The following VAV2 variants were observed in gnomAD, a reference collection of about 807,000 sequenced individuals.
VAV2 encodes vav guanine nucleotide exchange factor 2.
In VAV2, 67 loss-of-function variants were observed where a neutral mutation model predicts 132.5. The observed-to-expected ratio is 0.51, with a 90% confidence interval of 0.42 to 0.62. VAV2 has a LOEUF of 0.62. Ranked by LOEUF, VAV2 falls within the 20% of genes least tolerant of loss-of-function variation. The pLI is 0.00. For missense variants in VAV2, 938 were observed against 1,153.6 expected, an observed-to-expected ratio of 0.81 and a Z score of 2.71; for synonymous variants, 492 against 443.5, an observed-to-expected ratio of 1.11 and a Z score of -1.37.
chr9:133,795,651 T>TCA lies in VAV2; in HGVS notation c.1101+15_1101+16dup. 1 of 1,613,798 alleles carries TCA rather than the reference T, an allele frequency of 6.2e-7. No homozygotes were observed. Among genetic ancestry groups the TCA allele is most frequent in the Non-Finnish European group, 8.5e-7 (1 of 1,179,710 alleles). On this transcript the variant is annotated intron_variant, in intron 12 of 29. Coordinates refer to ENST00000371850, the MANE Select transcript of VAV2 (RefSeq NM_001134398.2). ...GCCAGACGGTGGCTTCTCCCCTGCC[T>TCA]CAGTTTACCCACACACCTGCATGGC...
At chr9:133,923,704 C>T (rs781781858) in intron 2 of VAV2, among the ~76,000 whole-genome samples, 37 of 152,086 alleles carry the variant, frequency 2.4e-4, no homozygotes, top group African/African-American at 7.5e-4. Flanking sequence ...ATATTTATTG[C>T]GGCACTATTC....
chr9:133,854,047 TAC>T (rs771999034), intron 3 of VAV2, among the ~76,000 whole-genome samples: 4 of 151,592 alleles, frequency 2.6e-5, no homozygotes, highest in East Asian at 1.9e-4. Flanking sequence ...CATCTGCACA[TAC>T]ACACACACTC....
Position 133,824,343 on chromosome 9 carries a change from C to A in VAV2, c.449+9929G>T, listed in dbSNP as rs1450313291. On this transcript the variant is annotated intron_variant, in intron 4 of 29. Coordinates refer to ENST00000371850, the MANE Select transcript of VAV2 (RefSeq NM_001134398.2). This position sits in a 1 kb window ranked among gnomAD's most constrained non-coding sequence, Gnocchi z 5.2. ...CCACCGAGCCAGGTCCACCAGCCCT[C>A]AGTTCCCGAGAACAGACACAGCAGA... is the stretch of plus-strand genomic sequence containing the variant. Among the ~76,000 whole-genome samples the A allele has an allele frequency of 6.6e-6, 1 of 152,084 alleles. No individual in the cohort carries two copies. Among genetic ancestry groups the A allele is most frequent in the African/African-American group, 2.4e-5 (1 of 41,390 alleles).
rs753037163 is a variant in VAV2 at position 133,810,212 on chromosome 9, G to C, written c.553-7C>G. On this transcript the variant is annotated splice_region_variant and splice_polypyrimidine_tract_variant and intron_variant, in intron 5 of 29. Transcript: ENST00000371850. ...TCACCTGCATGTATCTAATCTGCAA[G>C]CGTGGAGAAAGAACCAGAAACAGCG... The C allele has an allele frequency of 1.2e-6, 2 of 1,613,470 alleles. No individual in the cohort carries two copies. Among genetic ancestry groups the C allele is most frequent in the Non-Finnish European group, 1.7e-6 (2 of 1,179,850 alleles).
In VAV2 at chr9:133,883,963, G is replaced by A. The variant is rs1026474238; in HGVS notation, c.322-22531C>T. On this transcript the variant is annotated intron_variant, in intron 2 of 29. Coordinates refer to ENST00000371850, the MANE Select transcript of VAV2 (RefSeq NM_001134398.2). This position sits in a 1 kb window ranked among gnomAD's most constrained non-coding sequence, Gnocchi z 4.2. The stretch of plus-strand genomic sequence containing the variant: ...ATCTTGATCAATATGGTGAAACCCC[G>A]TCTCTACTAAAATACAAAAAAATTA... Among the ~76,000 whole-genome samples the A allele has an allele frequency of 1.2e-4, 19 of 152,028 alleles. No homozygotes were observed. The highest frequency in any genetic ancestry group is 5.2e-4 in the Admixed American group (8 of 15,256).
chr9:133,922,040 C>A (rs577105740), intron 2 of VAV2, among the ~76,000 whole-genome samples: 3 of 152,354 alleles, frequency 2.0e-5, no homozygotes, highest in South Asian at 4.1e-4. Context: ...GCCATGCATG[C>A]AGGCACGGGA....
chr9:133,779,993 G>A lies in VAV2; in HGVS notation c.1741-54C>T, dbSNP rs551837713. On this transcript the variant is annotated intron_variant, in intron 20 of 29. Coordinates refer to ENST00000371850, the MANE Select transcript of VAV2 (RefSeq NM_001134398.2). ...TGAGGGAAGGCTGCTCTTTGACTGT[G>A]GCCCATGCATCAACGCACCCCGCCC... 3 of 1,608,448 alleles carry A rather than the reference G, an allele frequency of 1.9e-6. No individual in the cohort carries two copies. In the South Asian group the frequency reaches 3.3e-5, roughly 18 times the overall value.
rs1170132243 is a variant in VAV2, at chr9:133,806,047, G to A, written c.836+34C>T. 3 of 1,598,258 alleles carry A rather than the reference G, an allele frequency of 1.9e-6. No homozygotes were observed. The East Asian group carries it at 6.8e-5, about 36-fold the overall frequency. ...GTAAACTCTCCCGCAGACAGGGAGG[G>A]GCCAAGGAGCCCCAGGAGCCGGCAG... is the stretch of plus-strand genomic sequence containing the variant. On this transcript the variant is annotated intron_variant, in intron 9 of 29. Coordinates refer to ENST00000371850, the MANE Select transcript of VAV2 (RefSeq NM_001134398.2).
At chr9:133,922,508 C>T (rs1840332581) in intron 2 of VAV2, among the ~76,000 whole-genome samples, 1 of 152,224 alleles carries the variant, frequency 6.6e-6, no homozygotes, top group Non-Finnish European at 1.5e-5. Flanking sequence ...TGGCTGCCAA[C>T]CCGCAGGCTG....
intron 9 of VAV2, among the ~76,000 whole-genome samples, chr9:133,800,728 G>C (rs1441371760): frequency 2.0e-5 from 3 of 152,188 alleles, no homozygotes; most frequent in African/African-American, 7.2e-5. Context: ...AAGTCACCTT[G>C]GCCCGAGGTT....
At position 133,935,137 on chromosome 9, in the gene VAV2, G is replaced by C. The variant is rs1301398902; in HGVS notation, c.321+3966C>G. 6.6e-6 allele frequency among the ~76,000 whole-genome samples: 1 copy of C among 152,140 alleles called. No homozygotes were observed. The highest frequency in any genetic ancestry group is 1.5e-5 in the Non-Finnish European group (1 of 68,014). On this transcript the variant is annotated intron_variant, in intron 2 of 29. Coordinates refer to ENST00000371850, the MANE Select transcript of VAV2 (RefSeq NM_001134398.2). The surrounding 1 kb of genome is among the most constrained non-coding windows in gnomAD (Gnocchi z 5.2). ...GGCAGGCCAAGGGTGGGAGGAACAGGGGGAGGGCACGCAGCCATATCTTCA... is the reference window on the plus strand; with the variant it reads ...GGCAGGCCAAGGGTGGGAGGAACAGCGGGAGGGCACGCAGCCATATCTTCA...
At position 133,794,662 on chromosome 9, in the gene VAV2, G is replaced by A. The variant is rs866327537; in HGVS notation, c.1101+1006C>T. Among the ~76,000 whole-genome samples, 2 of 152,202 alleles carry A rather than the reference G, an allele frequency of 1.3e-5. No individual in the cohort carries two copies. The highest frequency in any genetic ancestry group is 4.8e-5 in the African/African-American group (2 of 41,468). ...CAGAGGGCAGGACTGCAGCCCTGAG[G>A]GGGGCTGGCAGAGGTGTCCTGTGCT... is the stretch of plus-strand genomic sequence containing the variant. On this transcript the variant is annotated intron_variant, in intron 12 of 29. Transcript: ENST00000371850. The surrounding 1 kb of genome is among the most constrained non-coding windows in gnomAD (Gnocchi z 4.6).
Position 133,908,331 on chromosome 9 carries a change from G to C in VAV2, c.321+30772C>G, listed in dbSNP as rs139849038. 7.8e-3 allele frequency among the ~76,000 whole-genome samples: 1,191 copies of C among 152,194 alleles called. 18 individuals carry two copies. Among genetic ancestry groups the C allele is most frequent in the African/African-American group, 0.027 (1,114 of 41,508 alleles). On this transcript the variant is annotated intron_variant, in intron 2 of 29. Coordinates refer to ENST00000371850, the MANE Select transcript of VAV2 (RefSeq NM_001134398.2). ...ATGCCACCCTAGAAACTGAGACTTC[G>C]TTCCCCAGCATTGCCACACCCAAAG... is the stretch of plus-strand genomic sequence containing the variant.
At chr9:133,959,875 T>A (rs868375795) in intron 1 of VAV2, among the ~76,000 whole-genome samples, 6 of 152,114 alleles carry the variant, frequency 3.9e-5, no homozygotes, top group Non-Finnish European at 7.4e-5. Flanking sequence ...CCTCCCCTAG[T>A]GCCTCTGGAG....
chr9:133,816,028 C>T (rs546433187), intron 4 of VAV2, among the ~76,000 whole-genome samples: 1 of 152,312 alleles, frequency 6.6e-6, no homozygotes, highest in Admixed American at 6.5e-5. Flanking sequence ...TTCCATTCAG[C>T]CCCCAGAGTG....
chr9:133,874,555 C>A (rs1319746995), intron 2 of VAV2, among the ~76,000 whole-genome samples: 1 of 152,196 alleles, frequency 6.6e-6, no homozygotes, highest in Non-Finnish European at 1.5e-5. Flanking sequence ...ACAAGAATCC[C>A]ACAGGAAGCT....
At chr9:133,849,684 G>A in intron 3 of VAV2, among the ~76,000 whole-genome samples, 1 of 152,196 alleles carries the variant, frequency 6.6e-6, no homozygotes, top group Non-Finnish European at 1.5e-5. Context: ...TGGAGGCACT[G>A]GGGGAGGGTC....
chr9:133,866,667 G>C (rs1318358911), intron 2 of VAV2, among the ~76,000 whole-genome samples: 2 of 152,100 alleles, frequency 1.3e-5, no homozygotes, highest in Non-Finnish European at 2.9e-5. Context: ...TTAGCCGGGC[G>C]TGGTGGCACA....
intron 3 of VAV2, among the ~76,000 whole-genome samples, chr9:133,858,618 T>A (rs1163652390): frequency 6.6e-6 from 1 of 152,182 alleles, no homozygotes; most frequent in Non-Finnish European, 1.5e-5. Context: ...CTGAGTGTGT[T>A]TACTGAGCCC....
Sources: gnomAD v4.1 joint callset for allele counts (sites outside exome capture counted in the v4.1 genomes callset) on GRCh38, gnomAD v4.1.1 for gene constraint, Gnocchi (gnomAD v3.1) non-coding constraint, MANE v1.5 for transcripts, NCBI Gene and HGNC (gene_info 2026-07-23, HGNC 2026-07-21) for gene names.